The following KLHL13 variants were observed in gnomAD, a reference collection of about 807,000 sequenced individuals.
KLHL13 encodes the protein kelch like family member 13, also known as kelch-like protein 13.
A neutral mutation model predicts 37.1 loss-of-function variants in KLHL13; 10 were observed. The ratio of observed to expected loss-of-function variants is 0.27; its 90% CI spans 0.17 to 0.46. The LOEUF is 0.46. KLHL13 is among the 20% of genes least tolerant of loss of function. KLHL13 has a pLI of 1.00. For synonymous variants in KLHL13, 163 were observed against 181.2 expected, an observed-to-expected ratio of 0.90 and a Z score of 0.81; for missense variants, 360 against 509.3, an observed-to-expected ratio of 0.71 and a Z score of 2.82.
chrX:117,903,524 A>G (rs767027046), intron 5 of KLHL13, among the ~76,000 whole-genome samples: 1 of 110,603 alleles, frequency 9.0e-6, no homozygotes, highest in Admixed American at 9.6e-5. Flanking sequence ...TTTTTTTACT[A>G]TTTCCAGTCA....
chrX:117,907,401 T>C (rs1930621246), intron 5 of KLHL13, among the ~76,000 whole-genome samples: 1 of 111,679 alleles, frequency 9.0e-6, no homozygotes, highest in East Asian at 2.8e-4. Context: ...GGGGTGATAA[T>C]ATCAACAAGC....
chrX:118,031,649 A>C (rs1441130618), intron 1 of KLHL13, among the ~76,000 whole-genome samples: 2 of 100,464 alleles, frequency 2.0e-5, no homozygotes, highest in African/African-American at 7.2e-5. Context: ...TTATATATAT[A>C]TATTTAGTTA....
At chrX:117,944,944 A>T (rs1933246891) in intron 2 of KLHL13, among the ~76,000 whole-genome samples, 1 of 111,909 alleles carries the variant, frequency 8.9e-6, no homozygotes, top group South Asian at 3.8e-4. Context: ...CACAGTTACT[A>T]CTACCAATGC....
intron 5 of KLHL13, among the ~76,000 whole-genome samples, chrX:117,905,905 T>G (rs935191231): frequency 9.0e-6 from 1 of 111,584 alleles, no homozygotes; most frequent in Non-Finnish European, 1.9e-5. Context: ...TAGGCCTTAT[T>G]AATTCATTCT....
At chrX:118,053,840 A>AGCAGAG (rs1387907618) in intron 1 of KLHL13, among the ~76,000 whole-genome samples, 1 of 36,091 alleles carries the variant, frequency 2.8e-5, no homozygotes, top group African/African-American at 1.4e-4. Flanking sequence ...AGAGAGAGAG[A>AGCAGAG]GAGAGAGAGG....
chrX:118,058,298 CCCT>C (rs944299346), intron 1 of KLHL13, among the ~76,000 whole-genome samples: 13 of 110,866 alleles, frequency 1.2e-4, no homozygotes, highest in East Asian at 2.9e-4. Flanking sequence ...CCTACTCCCC[CCCT>C]CATTTTTATT....
intron 1 of KLHL13, among the ~76,000 whole-genome samples, chrX:118,110,381 T>C (rs960967152): frequency 5.1e-5 from 5 of 98,318 alleles, no homozygotes; most frequent in South Asian, 5.0e-4. Context: ...CTTTTTCTTT[T>C]TTTTTTTTTT....
chrX:117,918,455 A>G (rs1449220657), intron 4 of KLHL13, among the ~76,000 whole-genome samples: 1 of 111,783 alleles, frequency 8.9e-6, no homozygotes, highest in Admixed American at 9.5e-5. Flanking sequence ...TAAGATTCAT[A>G]TGAGTTAAAA....
At chrX:118,031,493 T>G (rs1369678076) in intron 1 of KLHL13, among the ~76,000 whole-genome samples, 1 of 93,914 alleles carries the variant, frequency 1.1e-5, no homozygotes, top group African/African-American at 4.2e-5. Flanking sequence ...ATATATATAT[T>G]TAGATATATA....
intron 1 of KLHL13, among the ~76,000 whole-genome samples, chrX:118,031,544 TTATA>T (rs753781130): frequency 0.069 from 6,263 of 90,831 alleles, 283 homozygotes; most frequent in African/African-American, 0.11. Flanking sequence ...TATATATTAG[TTATA>T]TATATATTTA....
chrX:118,098,052 T>C (rs2055233913), intron 1 of KLHL13, among the ~76,000 whole-genome samples: 2 of 111,636 alleles, frequency 1.8e-5, no homozygotes, highest in South Asian at 7.5e-4. Flanking sequence ...CCAAAAGCAA[T>C]GGCAACAAAA....
intron 1 of KLHL13, among the ~76,000 whole-genome samples, chrX:118,116,050 G>C (rs1023016064): frequency 1.8e-5 from 2 of 112,175 alleles, no homozygotes; most frequent in Non-Finnish European, 3.8e-5. Context: ...CCTGACTTGG[G>C]AGCCAGCAGA....
At chrX:117,975,538 C>T (rs1418949665), upstream of KLHL13, among the ~76,000 whole-genome samples, 1 of 111,589 alleles carries the variant, frequency 9.0e-6, no homozygotes, top group African/African-American at 3.3e-5. Flanking sequence ...TTACATGCAC[C>T]TGCCACCATG....
At chrX:118,032,750 T>C (rs1209538335) in intron 1 of KLHL13, among the ~76,000 whole-genome samples, 1 of 112,278 alleles carries the variant, frequency 8.9e-6, no homozygotes, top group African/African-American at 3.2e-5. Context: ...AGAATGACTT[T>C]GACGAGCTGA....
chrX:117,998,739 CTG>C (rs1211960754), intron 1 of KLHL13, among the ~76,000 whole-genome samples: 1 of 110,573 alleles, frequency 9.0e-6, no homozygotes, highest in Admixed American at 9.7e-5. Context: ...TGCTATAAAA[CTG>C]TCTCTGGGGG....
At chrX:117,947,031 T>A (rs1306323732) in intron 1 of KLHL13, 1 of 112,165 alleles carries the variant, frequency 8.9e-6, no homozygotes, top group Non-Finnish European at 1.9e-5. Flanking sequence ...AAGAAGAGAA[T>A]AACTTAAGAT....
rs376411736 is a variant in KLHL13, at chrX:117,919,668, G to C, written c.423C>G (p.Ser141Arg). The C allele has an allele frequency of 1.2e-5, 14 of 1,204,740 alleles. No individual in the cohort carries two copies. In the African/African-American group the frequency reaches 2.3e-4, roughly 20 times the overall value. Reference sequence around the variant, plus strand: ...CAATAATTTTCCTTAGACCGACTTTGCTCACACCATGAAGTTTAATGCACA... The same window carrying C: ...CAATAATTTTCCTTAGACCGACTTTCCTCACACCATGAAGTTTAATGCACA... The change falls in exon 4 of 7, where the codon AGC becomes AGG. Residue 141 changes from serine (S) to arginine (R), a missense_variant. Physicochemically the swap from Ser to Arg is moderately radical, Grantham distance 110 (BLOSUM62 -1). This residue lies in a region of KLHL13 where 194 missense variants were observed against 225.0 expected (regional missense o/e 0.86). Transcript: ENST00000262820.
chrX:117,994,405 C>G (rs995210378), intron 1 of KLHL13, among the ~76,000 whole-genome samples: 4 of 110,504 alleles, frequency 3.6e-5, no homozygotes, highest in Non-Finnish European at 7.6e-5. Flanking sequence ...AGGTGCTTGC[C>G]ACAATGCCCA....
At chrX:117,996,258 C>A (rs2053852496) in intron 1 of KLHL13, among the ~76,000 whole-genome samples, 2 of 112,086 alleles carry the variant, frequency 1.8e-5, no homozygotes, top group South Asian at 3.7e-4. Context: ...TAGTTGTTTT[C>A]TTTGCAGTTG....
Sources: gnomAD v4.1 joint callset for allele counts (sites outside exome capture counted in the v4.1 genomes callset) on GRCh38, gnomAD v4.1.1 for gene constraint, gnomAD v4.1.1 regional missense constraint, MANE v1.5 for transcripts, NCBI Gene and HGNC (gene_info 2026-07-23, HGNC 2026-07-21) for gene names.